The following ACOXL variants were observed in gnomAD, a reference collection of about 807,000 sequenced individuals.
ACOXL encodes acyl-CoA oxidase like, also known as acyl-coenzyme A oxidase-like protein.
A neutral mutation model predicts 71.9 loss-of-function variants in ACOXL; 70 were observed. The ratio of observed to expected loss-of-function variants is 0.97; its 90% CI spans 0.80 to 1.19. The LOEUF (loss-of-function observed/expected upper bound fraction) is 1.19, where lower values mean the gene tolerates loss of function less well. Ranked by LOEUF, ACOXL falls within the 50% of genes most tolerant of loss-of-function variation. The pLI is 0.00. For synonymous variants in ACOXL, 253 were observed against 281.6 expected, an observed-to-expected ratio of 0.90 and a Z score of 1.02; for missense variants, 703 against 736.3, an observed-to-expected ratio of 0.95 and a Z score of 0.52.
intron 14 of ACOXL, among the ~76,000 whole-genome samples, chr2:110,997,324 C>T (rs2063441265): frequency 7.0e-6 from 1 of 142,150 alleles, no homozygotes. Flanking sequence ...AAAGAATTTC[C>T]TTCATTTCCA....
At chr2:110,962,624 C>G (rs1027539083) in intron 12 of ACOXL, among the ~76,000 whole-genome samples, 1 of 152,232 alleles carries the variant, frequency 6.6e-6, no homozygotes, top group Non-Finnish European at 1.5e-5. Context: ...ATCCAGACTT[C>G]TAAGACCCCT....
At chr2:110,855,982 A>G (rs1693192069) in intron 10 of ACOXL, among the ~76,000 whole-genome samples, 1 of 152,132 alleles carries the variant, frequency 6.6e-6, no homozygotes, top group Non-Finnish European at 1.5e-5. Flanking sequence ...TTTCTGTCCT[A>G]TCAGAATGCC....
chr2:110,936,306 C>T (rs1200789020), intron 12 of ACOXL, among the ~76,000 whole-genome samples: 3 of 152,120 alleles, frequency 2.0e-5, no homozygotes, highest in African/African-American at 7.2e-5. Context: ...CTCACTGTCA[C>T]CCAAGCTGAA....
chr2:110,777,690 G>A (rs1682820688), intron 2 of ACOXL, among the ~76,000 whole-genome samples: 1 of 152,218 alleles, frequency 6.6e-6, no homozygotes, highest in South Asian at 2.1e-4. Flanking sequence ...TCACAGGACA[G>A]TGGCTCAGAC....
In ACOXL at chr2:110,911,999, T is replaced by C. The variant is rs1574089237; in HGVS notation, c.905+3094T>C. Among the ~76,000 whole-genome samples, 3 of 152,190 alleles carry C rather than the reference T, an allele frequency of 2.0e-5. No homozygotes were observed. In the East Asian group the frequency reaches 5.8e-4, roughly 29 times the overall value. On this transcript the variant is annotated intron_variant, in intron 11 of 17. Transcript: ENST00000439055. ...TAAAAATTTATTAGAAATGACATGTTCAGCAAGACTGCAGGATAGATCAAC... is the reference window on the plus strand; with the variant it reads ...TAAAAATTTATTAGAAATGACATGTCCAGCAAGACTGCAGGATAGATCAAC...
chr2:110,745,573 C>G (rs989410309), intron 1 of ACOXL, among the ~76,000 whole-genome samples: 6 of 152,232 alleles, frequency 3.9e-5, no homozygotes, highest in Admixed American at 6.5e-5. Context: ...CAGAAGAGAG[C>G]CCGGGAAGCC....
chr2:110,877,951 A>AG (rs1460921889), intron 10 of ACOXL, among the ~76,000 whole-genome samples: 8 of 152,212 alleles, frequency 5.3e-5, no homozygotes, highest in Non-Finnish European at 1.5e-5. Flanking sequence ...CTGGATCTGG[A>AG]GGGGCACAGG....
intron 1 of ACOXL, among the ~76,000 whole-genome samples, chr2:110,758,265 AC>A (rs1679953097): frequency 6.6e-6 from 1 of 152,136 alleles, no homozygotes; most frequent in African/African-American, 2.4e-5. Flanking sequence ...CTGTTCTTGT[AC>A]CAGTATCATG....
At chr2:110,873,316 G>A (rs1695494396) in intron 10 of ACOXL, among the ~76,000 whole-genome samples, 1 of 152,098 alleles carries the variant, frequency 6.6e-6, no homozygotes, top group Non-Finnish European at 1.5e-5. Context: ...AGATCTGGGA[G>A]GAGGCTCGGT....
chr2:110,998,956 A>G (rs2063507940), intron 14 of ACOXL, among the ~76,000 whole-genome samples: 1 of 152,268 alleles, frequency 6.6e-6, no homozygotes, highest in Non-Finnish European at 1.5e-5. Context: ...TGATATTTTA[A>G]AAGATTTTCA....
At position 110,933,624 on chromosome 2, in the gene ACOXL, C is replaced by T. The variant is rs148596635; in HGVS notation, c.1041C>T (p.Arg347=). The change falls in exon 12 of 18, where the codon CGC becomes CGT. Residue 347 remains arginine, a synonymous_variant. Coordinates refer to ENST00000439055, the MANE Select transcript of ACOXL (RefSeq NM_001142807.4). ...ACATCCGCTGCCTGCAGGACTGCCGCGAGTGCACTGGAGGCATGGTGAGCC... is the reference window on the plus strand; with the variant it reads ...ACATCCGCTGCCTGCAGGACTGCCGTGAGTGCACTGGAGGCATGGTGAGCC... ...WENIRCLQDC[R]ECTGGMVVGR... The T allele has an allele frequency of 3.6e-4, 575 of 1,611,958 alleles. 2 individuals are homozygous for T. Among genetic ancestry groups the T allele is most frequent in the Admixed American group, 4.5e-4 (27 of 59,942 alleles).
chr2:110,747,055 G>T (rs1678322302), intron 1 of ACOXL, among the ~76,000 whole-genome samples: 2 of 152,128 alleles, frequency 1.3e-5, no homozygotes, highest in African/African-American at 4.8e-5. Flanking sequence ...CCAACAATCA[G>T]TTGGTGACAT....
chr2:111,043,145 C>T (rs1164726612), intron 15 of ACOXL, among the ~76,000 whole-genome samples: 1 of 152,222 alleles, frequency 6.6e-6, no homozygotes, highest in Non-Finnish European at 1.5e-5. Flanking sequence ...TGCTCTGCCG[C>T]TCTCTGGAAC....
At chr2:110,825,087 A>G (rs1436295143) in intron 9 of ACOXL, among the ~76,000 whole-genome samples, 1 of 152,218 alleles carries the variant, frequency 6.6e-6, no homozygotes, top group Non-Finnish European at 1.5e-5. Flanking sequence ...TGTCCCATGA[A>G]TGCTAATTTA....
At chr2:111,023,388 C>G (rs560010339) in intron 14 of ACOXL, among the ~76,000 whole-genome samples, 1 of 152,236 alleles carries the variant, frequency 6.6e-6, no homozygotes, top group East Asian at 1.9e-4. Context: ...ACTGGAAAGG[C>G]CTGATGCATT....
intron 16 of ACOXL, among the ~76,000 whole-genome samples, chr2:111,062,972 A>G (rs569387468): frequency 6.6e-6 from 1 of 152,266 alleles, no homozygotes; most frequent in East Asian, 1.9e-4. Flanking sequence ...ATTAGTATAT[A>G]CTCTGTGCAC....
chr2:110,867,991 G>C (rs1250463861), intron 10 of ACOXL, among the ~76,000 whole-genome samples: 1 of 152,144 alleles, frequency 6.6e-6, no homozygotes, highest in Non-Finnish European at 1.5e-5. Flanking sequence ...TTGAACTCCT[G>C]ACCTCGTGAT....
At chr2:110,955,933 A>ATTTTTTTTTTT (rs67285328) in intron 12 of ACOXL, among the ~76,000 whole-genome samples, 1 of 101,780 alleles carries the variant, frequency 9.8e-6, no homozygotes, top group Non-Finnish European at 1.9e-5. Flanking sequence ...CTTGCCACAG[A>ATTTTTTTTTTT]TTTTTTTTTT....
chr2:111,051,167 G>A (rs114072302), intron 16 of ACOXL, among the ~76,000 whole-genome samples: 106 of 152,290 alleles, frequency 7.0e-4, no homozygotes, highest in African/African-American at 2.5e-3. Context: ...ACAAAAACGT[G>A]TGCCGAGTTC....
Sources: gnomAD v4.1 joint callset for allele counts (sites outside exome capture counted in the v4.1 genomes callset) on GRCh38, gnomAD v4.1.1 for gene constraint, MANE v1.5 for transcripts, NCBI Gene and HGNC (gene_info 2026-07-23, HGNC 2026-07-21) for gene names.